PBX4: variants seen among roughly 807,000 people sequenced by gnomAD.
PBX4 encodes the protein PBX homeobox 4, also known as pre-B-cell leukemia transcription factor 4.
Under a neutral mutation model 35.1 loss-of-function variants are expected in PBX4, and 26 were observed. The observed-to-expected ratio is 0.74, with a 90% CI of 0.54 to 1.03. PBX4 has a LOEUF of 1.03. PBX4 is among the 50% of genes least tolerant of loss of function. The pLI, the probability that PBX4 is intolerant of heterozygous loss-of-function variation, is 0.00. For synonymous variants in PBX4, 199 were observed against 204.2 expected (o/e 0.97, Z 0.22); for missense variants, 448 against 504.3 (o/e 0.89, Z 1.07).
rs1600388946 is a variant in PBX4 at position 19,563,369 on chromosome 19, A to AG, written c.1032+139dup. 4.8e-5 allele frequency: 30 copies of AG among 630,478 alleles called. No individual in the cohort carries two copies. In the East Asian group the frequency reaches 8.7e-4, roughly 18 times the overall value. 39.1% of individuals were successfully genotyped at this position (630,478 alleles called of 1,614,324 possible). ...GGGGCCCTGCAGAGCTGTGCCCCAG[A>AG]GGTGGCCGCGCAGCATGGCCTGTGT... On this transcript the variant is annotated intron_variant, in intron 7 of 7. Coordinates refer to ENST00000251203, the MANE Select transcript of PBX4 (RefSeq NM_025245.3). This position sits in a 1 kb window ranked among gnomAD's most constrained non-coding sequence, Gnocchi z 5.1.
chr19:19,589,293 T>G (rs929135499), intron 2 of PBX4, among the ~76,000 whole-genome samples: 3 of 150,640 alleles, frequency 2.0e-5, no homozygotes, highest in Non-Finnish European at 3.0e-5. Flanking sequence ...AGGAGTGTGG[T>G]GGTGGGCGCC....
At chr19:19,596,850 G>A (rs1298885541) in intron 2 of PBX4, among the ~76,000 whole-genome samples, 1 of 150,026 alleles carries the variant, frequency 6.7e-6, no homozygotes, top group Non-Finnish European at 1.5e-5. Context: ...CCAGGAGGCT[G>A]AAGTGAGCCA....
In PBX4 at chr19:19,582,772, C is replaced by T. The variant is rs12462757; in HGVS notation, c.194-11939G>A. 3.7e-3 allele frequency among the ~76,000 whole-genome samples: 558 copies of T among 152,320 alleles called. 4 individuals are homozygous for T. The highest frequency in any genetic ancestry group is 0.025 in the Admixed American group (376 of 15,298). ...GCTAAGCTGAAAGAGCACACTGTAA[C>T]GCATGCCCACTGGGGCTTTGGGAGC... On this transcript the variant is annotated intron_variant, in intron 2 of 7. Transcript: ENST00000251203.
chr19:19,602,615 T>C (rs1013361134), intron 1 of PBX4, among the ~76,000 whole-genome samples: 1 of 152,170 alleles, frequency 6.6e-6, no homozygotes, highest in Admixed American at 6.6e-5. Context: ...AAAATGTTTT[T>C]GCAGAGCTTA....
At chr19:19,576,999 G>A (rs937715611) in intron 2 of PBX4, among the ~76,000 whole-genome samples, 5 of 151,936 alleles carry the variant, frequency 3.3e-5, no homozygotes, top group African/African-American at 7.3e-5. Context: ...AGGCTGAGGC[G>A]GGCGAATCAC....
At position 19,595,916 on chromosome 19, in the gene PBX4, C is replaced by A. The variant is rs74402345; in HGVS notation, c.193+3376G>T. On this transcript the variant is annotated intron_variant, in intron 2 of 7. Coordinates refer to ENST00000251203, the MANE Select transcript of PBX4 (RefSeq NM_025245.3). Reference sequence around the variant, plus strand: ...TGGGAAGAGAGAAAAATAGTGGGAACCCTGTGGTGAACTAGAATTAAAGAT... The same window carrying A: ...TGGGAAGAGAGAAAAATAGTGGGAAACCTGTGGTGAACTAGAATTAAAGAT... 7.7e-3 allele frequency among the ~76,000 whole-genome samples: 1,167 copies of A among 152,184 alleles called. 17 individuals are homozygous for A. The highest frequency in any genetic ancestry group is 0.025 in the African/African-American group (1,053 of 41,522).
chr19:19,565,357 G>A (rs1335825169), intron 5 of PBX4, among the ~76,000 whole-genome samples: 1 of 152,210 alleles, frequency 6.6e-6, no homozygotes, highest in Non-Finnish European at 1.5e-5. Context: ...CCTGAACCTG[G>A]GAAGGGGCTG....
At chr19:19,569,167 T>TGGGC (rs1246505820) in intron 5 of PBX4, among the ~76,000 whole-genome samples, 4 of 152,162 alleles carry the variant, frequency 2.6e-5, no homozygotes, top group Admixed American at 6.5e-5. Flanking sequence ...CAAGTGATCC[T>TGGGC]TCCACCTCAG....
chr19:19,576,231 A>T (rs113554359), intron 2 of PBX4, among the ~76,000 whole-genome samples: 67 of 150,968 alleles, frequency 4.4e-4, no homozygotes, highest in East Asian at 3.1e-3. Flanking sequence ...TTCTAAAAAA[A>T]TTTTTTTTTT....
intron 5 of PBX4, among the ~76,000 whole-genome samples, chr19:19,568,510 C>T (rs1357039426): frequency 7.0e-6 from 1 of 143,732 alleles, no homozygotes; most frequent in Admixed American, 7.2e-5. Context: ...CCTCAAGGAG[C>T]TCACACTCCA....
rs1023491244 is a variant in PBX4 at position 19,590,474 on chromosome 19, T to G, written c.193+8818A>C. 3.6e-4 allele frequency among the ~76,000 whole-genome samples: 55 copies of G among 151,006 alleles called. No homozygotes were observed. The East Asian group carries it at 9.9e-3, about 27-fold the overall frequency. On this transcript the variant is annotated intron_variant, in intron 2 of 7. Transcript: ENST00000251203. ...ACGTTTTGTTTTGTTTTCTTTCTTT[T>G]TTTTTTTTTTTTGAGAGAGAGTCTT...
intron 5 of PBX4, 25 bp downstream of exon 5, chr19:19,569,424 G>A (rs769764810): frequency 2.5e-6 from 4 of 1,600,570 alleles, no homozygotes; most frequent in East Asian, 2.2e-5. Context: ...CAGGCGTGGC[G>A]AGACGTGGCA....
intron 1 of PBX4, among the ~76,000 whole-genome samples, chr19:19,616,769 C>T (rs761959921): frequency 4.0e-5 from 6 of 150,868 alleles, no homozygotes; most frequent in South Asian, 2.1e-4. Context: ...CTGCAGCCTC[C>T]GCCTCCCAGG....
At chr19:19,570,536 T>C (rs2061375771) in intron 3 of PBX4, 50 bp downstream of exon 3, 2 of 1,600,202 alleles carry the variant, frequency 1.2e-6, no homozygotes, top group Non-Finnish European at 1.7e-6. Flanking sequence ...TGTTTCGCTT[T>C]GACAAATGCG....
In PBX4 at chr19:19,599,300, T is replaced by C. The variant is rs765501853; in HGVS notation, c.185A>G (p.Glu62Gly). Residue 62 changes from glutamate to glycine, a missense_variant, in exon 2 of 8, where the codon GAA becomes GGA. Coordinates refer to ENST00000251203, the MANE Select transcript of PBX4 (RefSeq NM_025245.3). ...TCTTCTAAACAGCCTACCTGTCTTT[T>C]CCTTGATCTCACAGAGCACGCTGAA... ...ALFSVLCEIK[E>G]KTVVSIRGIQ... 6.2e-7 allele frequency: 1 copy of C among 1,612,900 alleles called. No homozygotes were observed. The highest frequency in any genetic ancestry group is 8.5e-7 in the Non-Finnish European group (1 of 1,179,182).
At chr19:19,579,022 C>A (rs1267509017) in intron 2 of PBX4, among the ~76,000 whole-genome samples, 7 of 152,114 alleles carry the variant, frequency 4.6e-5, no homozygotes, top group Non-Finnish European at 1.0e-4. Context: ...TTTCTAGGCC[C>A]CAGAACTGTG....
At chr19:19,599,921 C>T (rs898738457) in intron 1 of PBX4, among the ~76,000 whole-genome samples, 6 of 148,564 alleles carry the variant, frequency 4.0e-5, no homozygotes, top group African/African-American at 1.0e-4. Flanking sequence ...TGCAGTGAGC[C>T]GAGATCAGGC....
In PBX4 at chr19:19,561,772, C is replaced by T; in HGVS notation, c.*253G>A. On this transcript the variant is annotated 3_prime_UTR_variant, in exon 8 of 8. Transcript: ENST00000251203. ...GTGCCCAGTCCTAGAACAGACAATT[C>T]AATTCATAGCGTTACCATAAAATTA... The T allele has an allele frequency of 2.4e-6, 1 of 419,814 alleles. No individual in the cohort carries two copies. Among genetic ancestry groups the T allele is most frequent in the Admixed American group, 4.3e-5 (1 of 23,354 alleles). The allele number at this position is 419,814 out of a possible 1,614,324, so 26.0% of individuals were successfully genotyped here.
In PBX4 at chr19:19,569,846, G is replaced by A. The variant is rs1691476133; in HGVS notation, c.633-262C>T. Reference sequence around the variant, plus strand: ...AATCGCTTGAACCTGGGAGGCGGAGGTTGTGGTGAGTGGAGATCGCACCAC... The same window carrying A: ...AATCGCTTGAACCTGGGAGGCGGAGATTGTGGTGAGTGGAGATCGCACCAC... On this transcript the variant is annotated intron_variant, in intron 4 of 7. Transcript: ENST00000251203. 1.3e-5 allele frequency among the ~76,000 whole-genome samples: 2 copies of A among 152,190 alleles called. 1 individual carries two copies. Among genetic ancestry groups the A allele is most frequent in the Non-Finnish European group, 2.9e-5 (2 of 68,038 alleles).
Sources: allele counts gnomAD v4.1 joint callset (sites outside exome capture counted in the v4.1 genomes callset), GRCh38; gene constraint gnomAD v4.1.1; non-coding constraint Gnocchi (gnomAD v3.1); transcripts MANE v1.5; gene names NCBI Gene and HGNC (gene_info 2026-07-23, HGNC 2026-07-21).